HOMER1: variants seen among roughly 807,000 people sequenced by gnomAD.
HOMER1 encodes the protein homer protein homolog 1.
Under a neutral mutation model 48.9 loss-of-function variants are expected in HOMER1, and 3 were observed. The ratio of observed to expected loss-of-function variants is 0.06; its 90% CI spans 0.03 to 0.16. The LOEUF is 0.16. Among genes scored for constraint, HOMER1 ranks in the 10% least tolerant of loss-of-function variants. The pLI, the probability that HOMER1 is intolerant of heterozygous loss-of-function variation, is 1.00. For missense variants in HOMER1, 247 were observed against 411.4 expected, an observed-to-expected ratio of 0.60 and a Z score of 3.46; for synonymous variants, 134 against 146.4, an observed-to-expected ratio of 0.92 and a Z score of 0.61.
chr5:79,397,093 GCAA>G (rs1323518730), intron 7 of HOMER1, among the ~76,000 whole-genome samples, 190 bp from the exon 8 acceptor site: 2 of 152,144 alleles, frequency 1.3e-5, no homozygotes, highest in Non-Finnish European at 2.9e-5. Context: ...TTAAGCAACA[GCAA>G]CAAGTCTAAC....
rs546253185 is a variant in HOMER1 at position 79,458,925 on chromosome 5, C to G, written c.6-1907G>C. On this transcript the variant is annotated intron_variant, in intron 1 of 8. Transcript: ENST00000334082. ...TATAAGCTTGGGTTATCTTCCAAAA[C>G]CCCTGCAACCCCTATTTTTCTTTTT... Among the ~76,000 whole-genome samples, 6 of 152,272 alleles carry G rather than the reference C, an allele frequency of 3.9e-5. No individual in the cohort carries two copies. The South Asian group carries it at 1.2e-3, about 32-fold the overall frequency.
At chr5:79,501,398 G>A (rs1051493775) in intron 1 of HOMER1, among the ~76,000 whole-genome samples, 1 of 152,188 alleles carries the variant, frequency 6.6e-6, no homozygotes, top group Non-Finnish European at 1.5e-5. Context: ...CCAGTCAACT[G>A]TAGGCTATTA....
intron 5 of HOMER1, among the ~76,000 whole-genome samples, chr5:79,426,244 A>C (rs775670188): frequency 1.8e-4 from 28 of 152,136 alleles, no homozygotes; most frequent in Non-Finnish European, 3.2e-4. Context: ...TAGAACTACC[A>C]TATGATCCAG....
At chr5:79,429,916 G>A (rs904788907) in intron 5 of HOMER1, among the ~76,000 whole-genome samples, 29 of 151,926 alleles carry the variant, frequency 1.9e-4, no homozygotes, top group East Asian at 5.8e-4. Context: ...CCAGCTACTC[G>A]GGAGGCTGAG....
At chr5:79,492,790 C>A (rs910078280) in intron 1 of HOMER1, among the ~76,000 whole-genome samples, 1 of 151,314 alleles carries the variant, frequency 6.6e-6, no homozygotes, top group East Asian at 1.9e-4. Flanking sequence ...GGAAAGGGGC[C>A]GCTAAGGGGG....
intron 1 of HOMER1, among the ~76,000 whole-genome samples, chr5:79,499,407 T>C (rs946083412): frequency 5.3e-5 from 8 of 152,210 alleles, no homozygotes; most frequent in Non-Finnish European, 1.0e-4. Flanking sequence ...CAAAATACAG[T>C]TGACCCTTAA....
intron 5 of HOMER1, among the ~76,000 whole-genome samples, chr5:79,412,017 G>A (rs991194032): frequency 1.3e-4 from 20 of 152,162 alleles, no homozygotes; most frequent in Admixed American, 1.2e-3. Context: ...TACTTGAGAG[G>A]CTGAGGCAGA....
intron 1 of HOMER1, among the ~76,000 whole-genome samples, chr5:79,505,636 A>C (rs1752745857): frequency 6.6e-6 from 1 of 152,216 alleles, no homozygotes. Context: ...CGTAAAGCCA[A>C]GCTAATTTTT....
At chr5:79,389,270 G>GA (rs200101967) in intron 8 of HOMER1, among the ~76,000 whole-genome samples, 17 of 148,450 alleles carry the variant, frequency 1.1e-4, no homozygotes, top group East Asian at 5.9e-4. Flanking sequence ...GAATACATGA[G>GA]AAAAAAAAAA....
chr5:79,464,513 T>C (rs192357796), intron 1 of HOMER1, among the ~76,000 whole-genome samples: 44 of 152,336 alleles, frequency 2.9e-4, no homozygotes, highest in African/African-American at 1.0e-3. Flanking sequence ...TTAGTTTCAG[T>C]GCCACTATGA....
intron 2 of HOMER1, among the ~76,000 whole-genome samples, chr5:79,454,739 G>A (rs1303065918): frequency 6.6e-6 from 1 of 152,048 alleles, no homozygotes; most frequent in Non-Finnish European, 1.5e-5. Context: ...TGAGTACACA[G>A]AAAAAACAGA....
At chr5:79,453,553 G>T (rs1751085929) in intron 2 of HOMER1, among the ~76,000 whole-genome samples, 1 of 152,100 alleles carries the variant, frequency 6.6e-6, no homozygotes, top group Admixed American at 6.6e-5. Flanking sequence ...TCTTTGAGTA[G>T]AATGCATTTA....
At chr5:79,464,891 T>C (rs1213586201) in intron 1 of HOMER1, among the ~76,000 whole-genome samples, 1 of 152,170 alleles carries the variant, frequency 6.6e-6, no homozygotes, top group Non-Finnish European at 1.5e-5. Context: ...AACACATAAT[T>C]ATACTGCAAC....
intron 1 of HOMER1, among the ~76,000 whole-genome samples, chr5:79,459,499 T>A (rs191492500): frequency 2.8e-4 from 42 of 152,330 alleles, no homozygotes; most frequent in African/African-American, 9.1e-4. Context: ...TTAAGATTTC[T>A]GTGGTCAAAA....
chr5:79,427,066 T>C (rs1050758464), intron 5 of HOMER1, among the ~76,000 whole-genome samples: 2 of 152,202 alleles, frequency 1.3e-5, no homozygotes, highest in African/African-American at 4.8e-5. Context: ...AAGGTTAATA[T>C]ACAAGTATGC....
intron 5 of HOMER1, among the ~76,000 whole-genome samples, chr5:79,435,057 C>T (rs1664355360): frequency 6.6e-6 from 1 of 152,100 alleles, no homozygotes; most frequent in African/African-American, 2.4e-5. Flanking sequence ...AGGCAGGTGA[C>T]ATGTTTATAG....
At chr5:79,428,782 C>T (rs1750342281) in intron 5 of HOMER1, among the ~76,000 whole-genome samples, 1 of 152,116 alleles carries the variant, frequency 6.6e-6, no homozygotes, top group Non-Finnish European at 1.5e-5. Context: ...ATTAAAGAAG[C>T]TCCAAATAAA....
intron 5 of HOMER1, among the ~76,000 whole-genome samples, chr5:79,426,347 G>A (rs541956736): frequency 6.6e-6 from 1 of 152,156 alleles, no homozygotes; most frequent in Non-Finnish European, 1.5e-5. Context: ...ATTCATAACA[G>A]TCAAGACATA....
intron 8 of HOMER1, among the ~76,000 whole-genome samples, chr5:79,379,458 AAT>A (rs561838666): frequency 0.019 from 2,225 of 114,174 alleles, 85 homozygotes; most frequent in African/African-American, 0.067. Context: ...TATAATATAT[AAT>A]ATATATTTTA....
Sources: gnomAD v4.1 joint callset for allele counts (sites outside exome capture counted in the v4.1 genomes callset) on GRCh38, gnomAD v4.1.1 for gene constraint, MANE v1.5 for transcripts, NCBI Gene and HGNC (gene_info 2026-07-23, HGNC 2026-07-21) for gene names.